Variants in WWOX observed in about 807,000 individuals in gnomAD.
WWOX encodes the protein WW domain-containing oxidoreductase.
In WWOX, 69 loss-of-function variants were observed where a neutral mutation model predicts 46.2. The ratio of observed to expected loss-of-function variants is 1.49; its 90% CI spans 1.23 to 1.82. The LOEUF (loss-of-function observed/expected upper bound fraction) is 1.82. Among genes scored for constraint, WWOX ranks in the 40% most tolerant of loss-of-function variants. The probability of loss-of-function intolerance (pLI) is 0.00; values close to 1 mark genes in which losing one functional copy is unlikely to be tolerated. For synonymous variants in WWOX, 359 were observed against 202.6 expected, an observed-to-expected ratio of 1.77 and a Z score of -6.56; for missense variants, 919 against 542.6, an observed-to-expected ratio of 1.69 and a Z score of -6.89.
At chr16:79,008,795 C>G (rs553696906) in intron 8 of WWOX, among the ~76,000 whole-genome samples, 3 of 152,212 alleles carry the variant, frequency 2.0e-5, no homozygotes, top group Non-Finnish European at 4.4e-5. Context: ...CAGGCCTTGT[C>G]TTCCAGCCCC....
chr16:79,013,274 A>C (rs568908033), intron 8 of WWOX, among the ~76,000 whole-genome samples: 7 of 152,146 alleles, frequency 4.6e-5, no homozygotes, highest in African/African-American at 1.4e-4. Context: ...TTTAAAAATA[A>C]AATGCATACG....
intron 8 of WWOX, among the ~76,000 whole-genome samples, chr16:79,039,707 G>A (rs1045804925): frequency 3.3e-5 from 5 of 152,198 alleles, no homozygotes; most frequent in East Asian, 1.9e-4. Flanking sequence ...GAGGAGCAGG[G>A]TGATGCTAGA....
chr16:78,575,017 ATATAAATATATATATATATATATATATAT>A, intron 8 of WWOX, among the ~76,000 whole-genome samples: 1 of 13,052 alleles, frequency 7.7e-5, no homozygotes, highest in African/African-American at 5.4e-4. Context: ...ATATATATAT[ATATAAATATATATATATATATATATATAT>A]ATATATATAT....
intron 8 of WWOX, among the ~76,000 whole-genome samples, chr16:79,123,627 G>C (rs762529157): frequency 6.6e-6 from 1 of 151,990 alleles, no homozygotes; most frequent in African/African-American, 2.4e-5. Context: ...AAAATAGTTT[G>C]ACCCCAAGGC....
chr16:79,066,406 C>CA, intron 8 of WWOX, among the ~76,000 whole-genome samples: 1 of 152,110 alleles, frequency 6.6e-6, no homozygotes, highest in Non-Finnish European at 1.5e-5. Flanking sequence ...CCTTCGTCAC[C>CA]ATTTTGACAT....
chr16:79,019,793 A>G (rs2047494728), intron 8 of WWOX, among the ~76,000 whole-genome samples: 1 of 152,178 alleles, frequency 6.6e-6, no homozygotes, highest in Non-Finnish European at 1.5e-5. Flanking sequence ...TAATTTCTGC[A>G]TCAGACTCAA....
At chr16:78,992,983 C>A (rs928110970) in intron 8 of WWOX, among the ~76,000 whole-genome samples, 1 of 152,068 alleles carries the variant, frequency 6.6e-6, no homozygotes, top group African/African-American at 2.4e-5. Flanking sequence ...GACTTCCTCC[C>A]TCTCTTTCCA....
intron 8 of WWOX, among the ~76,000 whole-genome samples, chr16:79,120,938 T>C (rs1278050121): frequency 6.6e-6 from 1 of 152,012 alleles, no homozygotes; most frequent in African/African-American, 2.4e-5. Flanking sequence ...CCGGTCAATT[T>C]TTGTATTTTT....
intron 5 of WWOX, among the ~76,000 whole-genome samples, chr16:78,324,982 C>T (rs188015378): frequency 7.9e-4 from 120 of 152,302 alleles, no homozygotes; most frequent in African/African-American, 2.9e-3. Context: ...TCTTTGCTCC[C>T]AGAGAAAACC....
intron 8 of WWOX, among the ~76,000 whole-genome samples, chr16:78,571,388 A>G (rs1484144686): frequency 1.3e-5 from 2 of 152,202 alleles, no homozygotes; most frequent in Non-Finnish European, 2.9e-5. Flanking sequence ...TATAGTGTGC[A>G]TTACAGCTTA....
intron 8 of WWOX, among the ~76,000 whole-genome samples, chr16:78,971,551 G>A (rs1473882773): frequency 6.6e-6 from 1 of 151,894 alleles, no homozygotes; most frequent in Non-Finnish European, 1.5e-5. Flanking sequence ...CACTCTAATG[G>A]ATCCCTGACG....
At chr16:79,130,407 A>G (rs1380738261) in intron 8 of WWOX, among the ~76,000 whole-genome samples, 1 of 152,214 alleles carries the variant, frequency 6.6e-6, no homozygotes, top group Non-Finnish European at 1.5e-5. Context: ...AAAAGACAGT[A>G]TGAAGTACAG....
At chr16:79,056,890 C>T (rs753894666) in intron 8 of WWOX, among the ~76,000 whole-genome samples, 1 of 152,218 alleles carries the variant, frequency 6.6e-6, no homozygotes, top group Admixed American at 6.5e-5. Context: ...AGGCTGGGCA[C>T]TTCAAACCTA....
intron 8 of WWOX, among the ~76,000 whole-genome samples, chr16:78,593,500 A>G (rs75011700): frequency 0.017 from 2,545 of 152,318 alleles, 52 homozygotes; most frequent in East Asian, 0.079. Context: ...AGGTGGGCAC[A>G]TGACCCAGGT....
intron 5 of WWOX, among the ~76,000 whole-genome samples, chr16:78,381,764 T>G (rs1053277285): frequency 6.6e-6 from 1 of 152,076 alleles, no homozygotes; most frequent in African/African-American, 2.4e-5. Flanking sequence ...GATGGATGGA[T>G]GAATGGATAG....
At chr16:78,891,129 T>C (rs1247226311) in intron 8 of WWOX, 2 of 152,196 alleles carry the variant, frequency 1.3e-5, no homozygotes, top group African/African-American at 4.8e-5. Flanking sequence ...AAAACTGAAA[T>C]TGTTTAAATC....
At chr16:78,947,198 A>G (rs750597431) in intron 8 of WWOX, among the ~76,000 whole-genome samples, 29 of 152,154 alleles carry the variant, frequency 1.9e-4, no homozygotes, top group Non-Finnish European at 3.1e-4. Context: ...TAACAATGAA[A>G]TAAATTAGGA....
At chr16:78,392,995 G>C (rs376822931) in intron 6 of WWOX, among the ~76,000 whole-genome samples, 1 of 152,036 alleles carries the variant, frequency 6.6e-6, no homozygotes, top group East Asian at 1.9e-4. Context: ...AGTGTGTCTC[G>C]GGTCAAATTA....
chr16:78,285,664 C>G (rs541420661), intron 5 of WWOX, among the ~76,000 whole-genome samples: 3 of 152,226 alleles, frequency 2.0e-5, no homozygotes, highest in Non-Finnish European at 2.9e-5. Context: ...ACCATTCTGA[C>G]GGACTCTCGG....
Sources: allele counts gnomAD v4.1 joint callset (sites outside exome capture counted in the v4.1 genomes callset), GRCh38; gene constraint gnomAD v4.1.1; transcripts MANE v1.5; gene names NCBI Gene and HGNC (gene_info 2026-07-23, HGNC 2026-07-21).